CALN1: variants seen among roughly 807,000 people sequenced by gnomAD.
The protein encoded by CALN1 is calcium-binding protein 8.
CALN1 carries 17 observed loss-of-function variants against 30.6 expected under a neutral mutation model. The observed-to-expected ratio is 0.56, with a 90% CI of 0.38 to 0.83. CALN1 has a LOEUF of 0.83. Ranked by LOEUF, CALN1 falls within the 40% of genes least tolerant of loss-of-function variation. CALN1 has a pLI of 0.00. For missense variants in CALN1, 291 were observed against 354.9 expected, an observed-to-expected ratio of 0.82 and a Z score of 1.45; for synonymous variants, 156 against 131.4, an observed-to-expected ratio of 1.19 and a Z score of -1.28.
chr7:72,455,445 C>T, the CALN1 span, among the ~76,000 whole-genome samples: 2 of 151,658 alleles, frequency 1.3e-5, no homozygotes, highest in African/African-American at 4.8e-5. Flanking sequence ...AATGAATCCC[C>T]TATCTCCACT....
At chr7:72,377,456 T>C (rs1562932495) in intron 2 of CALN1, among the ~76,000 whole-genome samples, 2 of 151,766 alleles carry the variant, frequency 1.3e-5, no homozygotes, top group Non-Finnish European at 1.5e-5. Flanking sequence ...TGTGTGTGTG[T>C]GTGTGTGTGT....
At chr7:72,392,501 G>A (rs981747869) in intron 2 of CALN1, among the ~76,000 whole-genome samples, 4 of 152,136 alleles carry the variant, frequency 2.6e-5, no homozygotes, top group South Asian at 2.1e-4. Flanking sequence ...AGTGAAACAG[G>A]ACTGAAGGTC....
intron 4 of CALN1, among the ~76,000 whole-genome samples, chr7:72,030,465 C>G (rs865910699): frequency 7.2e-5 from 11 of 152,194 alleles, no homozygotes; most frequent in Admixed American, 5.2e-4. Context: ...GAAATGACCT[C>G]TTTACCAGAT....
rs982081636 is a variant in CALN1, at chr7:72,278,926, T to TA, written c.120-117dup. Reference sequence around the variant, plus strand: ...GCCAGTGTCATTTTAAAAATAGCAGTAATATTTCTAGTGGGAAAGTCAAGA... The same window carrying TA: ...GCCAGTGTCATTTTAAAAATAGCAGTAAATATTTCTAGTGGGAAAGTCAAGA... On this transcript the variant is annotated intron_variant, in intron 2 of 6. Coordinates refer to ENST00000395275, the MANE Select transcript of CALN1 (RefSeq NM_031468.4). 25 of 1,356,032 alleles carry TA rather than the reference T, an allele frequency of 1.8e-5. 1 individual carries two copies. The Admixed American group carries it at 5.3e-4, about 29-fold the overall frequency. The allele number at this position is 1,356,032 out of a possible 1,614,324, so 84.0% of individuals were successfully genotyped here.
chr7:72,054,946 T>C lies in CALN1; in HGVS notation c.389-31177A>G, dbSNP rs1280826993. 2.0e-5 allele frequency among the ~76,000 whole-genome samples: 3 copies of C among 152,028 alleles called. No individual in the cohort carries two copies. In the East Asian group the frequency reaches 5.8e-4, roughly 29 times the overall value. On this transcript the variant is annotated intron_variant, in intron 4 of 6. Transcript: ENST00000395275. ...AAACAAAACACACAGAGCTAGAGAC[T>C]GGGAGGTAAAAGCTGAGAGACCTGG...
chr7:71,884,083 T>A (rs991838693), intron 5 of CALN1, among the ~76,000 whole-genome samples: 1 of 151,928 alleles, frequency 6.6e-6, no homozygotes, highest in Admixed American at 6.6e-5. Flanking sequence ...CCAGCTAATT[T>A]TTTGTATTTT....
Position 71,828,779 on chromosome 7 carries a change from C to T in CALN1, c.502-18287G>A, listed in dbSNP as rs897016320. 5.3e-5 allele frequency among the ~76,000 whole-genome samples: 8 copies of T among 151,320 alleles called. 1 individual carries two copies. The highest frequency in any genetic ancestry group is 2.6e-4 in the Admixed American group (4 of 15,128). On this transcript the variant is annotated intron_variant, in intron 5 of 6. Coordinates refer to ENST00000395275, the MANE Select transcript of CALN1 (RefSeq NM_031468.4). ...TGTGTGTTTTTTTGAGACGGAATCT[C>T]GCTCTGTTGCCCAGGCTGCTGTGCA...
chr7:71,979,950 T>C (rs1030697320), intron 5 of CALN1, among the ~76,000 whole-genome samples: 1 of 144,706 alleles, frequency 6.9e-6, no homozygotes, highest in Non-Finnish European at 1.5e-5. Context: ...CAATCTCTGC[T>C]CACTGCAACA....
chr7:71,896,145 G>C (rs560189082), intron 5 of CALN1, among the ~76,000 whole-genome samples: 7 of 152,198 alleles, frequency 4.6e-5, no homozygotes, highest in African/African-American at 1.7e-4. Flanking sequence ...AATAATATAC[G>C]CTTTAATGTT....
At chr7:72,140,395 G>T (rs1430917100) in intron 3 of CALN1, among the ~76,000 whole-genome samples, 1 of 148,844 alleles carries the variant, frequency 6.7e-6, no homozygotes, top group Non-Finnish European at 1.5e-5. Flanking sequence ...TGGAAGAAGC[G>T]AATGAAGGAA....
At chr7:72,205,566 A>ATATATACACATATATATATATACG (rs1169550933) in intron 3 of CALN1, among the ~76,000 whole-genome samples, 34 of 115,618 alleles carry the variant, frequency 2.9e-4, no homozygotes, top group African/African-American at 1.2e-3. Context: ...ATATATATAT[A>ATATATACACATATATATATATACG]TGTATATATA....
chr7:71,843,973 C>T (rs969883533), intron 5 of CALN1, among the ~76,000 whole-genome samples: 1 of 151,768 alleles, frequency 6.6e-6, no homozygotes, highest in African/African-American at 2.4e-5. Flanking sequence ...GCTAAATGCA[C>T]GTTACTCAGG....
intron 5 of CALN1, among the ~76,000 whole-genome samples, chr7:71,812,146 G>A (rs1035535628): frequency 6.6e-6 from 1 of 152,226 alleles, no homozygotes; most frequent in African/African-American, 2.4e-5. Context: ...GTCTCAGAAT[G>A]AGGATAAAGT....
rs887244870 is a variant in CALN1, at chr7:72,383,714, T to C, written c.119+19537A>G. 6.6e-5 allele frequency among the ~76,000 whole-genome samples: 10 copies of C among 152,294 alleles called. 1 individual carries two copies. In the South Asian group the frequency reaches 1.0e-3, roughly 16 times the overall value. On this transcript the variant is annotated intron_variant, in intron 2 of 6. Transcript: ENST00000395275. ...GTCTTTACAATGACGAAGAGAAACG[T>C]CCTGTCTGAAAATTTGTTCCTACCC...
chr7:72,335,339 G>A (rs574592981), intron 2 of CALN1, among the ~76,000 whole-genome samples: 2 of 152,158 alleles, frequency 1.3e-5, no homozygotes, highest in Admixed American at 6.5e-5. Flanking sequence ...TTGAGCAAAA[G>A]TCATCAGTTA....
chr7:72,367,222 C>G (rs1411140295), intron 2 of CALN1, among the ~76,000 whole-genome samples: 1 of 152,126 alleles, frequency 6.6e-6, no homozygotes, highest in Non-Finnish European at 1.5e-5. Context: ...CATCTGGGGT[C>G]ACACCTGTAA....
chr7:72,324,745 C>G (rs903213831), intron 2 of CALN1, among the ~76,000 whole-genome samples: 1 of 151,838 alleles, frequency 6.6e-6, no homozygotes, highest in African/African-American at 2.4e-5. Flanking sequence ...CCACACCCGG[C>G]TAATTTTTGT....
In CALN1 at chr7:71,783,644, T is replaced by C. The variant is rs537998987; in HGVS notation, c.*4131A>G. The C allele has an allele frequency of 6.5e-6, 1 of 152,692 alleles. No homozygotes were observed. Among genetic ancestry groups the C allele is most frequent in the South Asian group, 2.1e-4 (1 of 4,826 alleles). The allele number at this position is 152,692 out of a possible 1,614,324, so 9.5% of individuals were successfully genotyped here. On this transcript the variant is annotated 3_prime_UTR_variant, in exon 7 of 7. Coordinates refer to ENST00000395275, the MANE Select transcript of CALN1 (RefSeq NM_031468.4). ...CCTCATAGGGCCTCAGGGAAACTGC[T>C]AGATTTAGGTGAAGAGCAACGTGCA... is the stretch of plus-strand genomic sequence containing the variant.
rs1807785874 is a variant in CALN1, at chr7:72,114,244, GAA to G, written c.245-7952_245-7951del. Reference sequence around the variant, plus strand: ...TAAAGTAAAAGTAAAAATAAAAGTTGAAGGGAAGGGAAGGGAAGGGAAGGGAA... The same window carrying G: ...TAAAGTAAAAGTAAAAATAAAAGTTGGGGAAGGGAAGGGAAGGGAAGGGAA... On this transcript the variant is annotated intron_variant, in intron 3 of 6. Coordinates refer to ENST00000395275, the MANE Select transcript of CALN1 (RefSeq NM_031468.4). Among the ~76,000 whole-genome samples, 5 of 8,012 alleles carry G rather than the reference GAA, an allele frequency of 6.2e-4. 2 individuals are homozygous for G. The highest frequency in any genetic ancestry group is 1.9e-3 in the African/African-American group (2 of 1,064). The allele number at this position is 8,012 out of a possible 152,430, so 5.3% of individuals were successfully genotyped here.
Sources: allele counts gnomAD v4.1 joint callset (sites outside exome capture counted in the v4.1 genomes callset), GRCh38; gene constraint gnomAD v4.1.1; transcripts MANE v1.5; gene names NCBI Gene and HGNC (gene_info 2026-07-23, HGNC 2026-07-21).